The following RASA2 variants were observed in gnomAD, a reference collection of about 807,000 sequenced individuals.
The protein encoded by RASA2 is ras GTPase-activating protein 2.
A neutral mutation model predicts 118.2 loss-of-function variants in RASA2; 155 were observed. The ratio of observed to expected loss-of-function variants is 1.31; its 90% CI spans 1.15 to 1.50. The LOEUF (loss-of-function observed/expected upper bound fraction) is 1.50, where lower values mean the gene tolerates loss of function less well. Ranked by LOEUF, RASA2 falls within the 40% of genes most tolerant of loss-of-function variation. RASA2 has a pLI of 0.00. For synonymous variants in RASA2, 353 were observed against 349.1 expected, an observed-to-expected ratio of 1.01 and a Z score of -0.12; for missense variants, 1,016 against 1,009.6, an observed-to-expected ratio of 1.01 and a Z score of -0.09.
intron 19 of RASA2, among the ~76,000 whole-genome samples, chr3:141,592,344 G>A (rs1237769083): frequency 6.6e-6 from 1 of 152,180 alleles, no homozygotes; most frequent in African/African-American, 2.4e-5. Flanking sequence ...TGCCTGGAGT[G>A]TTAAAGAGAT....
chr3:141,512,058 C>A, intron 1 of RASA2, 105 bp from the exon 2 acceptor site: 39 of 528,078 alleles, frequency 7.4e-5, no homozygotes, highest in Middle Eastern at 4.0e-4. Context: ...TTTTTTTTTT[C>A]TGTGCCACAT....
chr3:141,519,432 A>G (rs999421901), intron 3 of RASA2, among the ~76,000 whole-genome samples: 2 of 151,800 alleles, frequency 1.3e-5, no homozygotes, highest in East Asian at 1.9e-4. Context: ...TCCTTTGCCT[A>G]TTTTTCTTTT....
intron 1 of RASA2, among the ~76,000 whole-genome samples, chr3:141,500,473 G>A (rs1016198080): frequency 6.6e-6 from 1 of 152,150 alleles, no homozygotes; most frequent in African/African-American, 2.4e-5. Context: ...TTTAAAGCAT[G>A]GTTTTCTGCT....
chr3:141,609,861 T>C lies in RASA2; in HGVS notation c.2330-16T>C, dbSNP rs2083609286. 14 of 1,525,190 alleles carry C rather than the reference T, an allele frequency of 9.2e-6. No homozygotes were observed. Among genetic ancestry groups the C allele is most frequent in the Non-Finnish European group, 1.1e-5 (13 of 1,142,240 alleles). The allele number at this position is 1,525,190 out of a possible 1,614,324, so 94.5% of individuals were successfully genotyped here. On this transcript the variant is annotated splice_polypyrimidine_tract_variant and intron_variant, in intron 22 of 23. Coordinates refer to ENST00000286364, the MANE Select transcript of RASA2 (RefSeq NM_006506.5). ...TTAGTTGTCTGATCAGAGATTTATTTTCCTGCTCTTTGTAGAGGCTTGTGG... is the reference window on the plus strand; with the variant it reads ...TTAGTTGTCTGATCAGAGATTTATTCTCCTGCTCTTTGTAGAGGCTTGTGG...
At chr3:141,501,438 A>G (rs1012299805) in intron 1 of RASA2, among the ~76,000 whole-genome samples, 1 of 152,146 alleles carries the variant, frequency 6.6e-6, no homozygotes, top group Non-Finnish European at 1.5e-5. Context: ...TTGAATATTT[A>G]CTCTGTCTTA....
At chr3:141,602,460 CT>C (rs2083479251) in intron 19 of RASA2, among the ~76,000 whole-genome samples, 1 of 152,216 alleles carries the variant, frequency 6.6e-6, no homozygotes, top group African/African-American at 2.4e-5. Flanking sequence ...GTAATGCTTG[CT>C]TGCCCACCCA....
intron 17 of RASA2, among the ~76,000 whole-genome samples, chr3:141,581,483 G>C (rs1328001722): frequency 2.0e-5 from 3 of 152,208 alleles, no homozygotes; most frequent in African/African-American, 7.2e-5. Context: ...TCTTGATTCT[G>C]AGGGGCTGGC....
rs773584568 is a variant in RASA2, at chr3:141,512,252, C to T, written c.223C>T (p.Arg75Cys). Reference sequence around the variant, plus strand: ...AAATTTGGACCAGGAAGAAGTTTATCGTACCCAAGTTGTGGAAAAATCTTT... The same window carrying T: ...AAATTTGGACCAGGAAGAAGTTTATTGTACCCAAGTTGTGGAAAAATCTTT... ...TINLDQEEVYRTQVVEKSLSP... is the reference protein window; with the variant it reads ...TINLDQEEVYCTQVVEKSLSP... Residue 75 changes from arginine (R) to cysteine (C), a missense_variant, in exon 2 of 24, where the codon CGT becomes TGT. Arg to Cys is a radical substitution (Grantham distance 180, BLOSUM62 -3). Transcript: ENST00000286364. 20 of 1,591,554 alleles carry T rather than the reference C, an allele frequency of 1.3e-5. No individual in the cohort carries two copies. Among genetic ancestry groups the T allele is most frequent in the East Asian group, 2.3e-5 (1 of 44,272 alleles).
At chr3:141,511,815 G>T (rs1389760785) in intron 1 of RASA2, among the ~76,000 whole-genome samples, 1 of 152,084 alleles carries the variant, frequency 6.6e-6, no homozygotes, top group African/African-American at 2.4e-5. Flanking sequence ...TCGCTAGAGA[G>T]GAAAATTAAT....
At chr3:141,533,234 A>C (rs1445641563) in intron 4 of RASA2, among the ~76,000 whole-genome samples, 1 of 152,024 alleles carries the variant, frequency 6.6e-6, no homozygotes, top group Non-Finnish European at 1.5e-5. Context: ...ACTTCAATCT[A>C]ATTTGATATG....
intron 3 of RASA2, among the ~76,000 whole-genome samples, chr3:141,517,912 C>T (rs1280858472): frequency 2.0e-5 from 3 of 151,974 alleles, no homozygotes; most frequent in African/African-American, 7.2e-5. Context: ...ACCTCGGCCT[C>T]CCAAAGTGCT....
chr3:141,536,524 C>T (rs914346726), intron 4 of RASA2, among the ~76,000 whole-genome samples: 6 of 150,734 alleles, frequency 4.0e-5, no homozygotes, highest in African/African-American at 1.5e-4. Flanking sequence ...CTGCATGTAT[C>T]AGCCTAACAT....
chr3:141,532,605 C>T (rs547609983), intron 4 of RASA2, among the ~76,000 whole-genome samples: 27 of 152,086 alleles, frequency 1.8e-4, no homozygotes, highest in African/African-American at 6.5e-4. Flanking sequence ...AAAATTTTTG[C>T]GTAAGTTACA....
rs2082572936 is a variant in RASA2, at chr3:141,551,396, T to C, written c.528-2461T>C. Among the ~76,000 whole-genome samples the C allele has an allele frequency of 2.0e-5, 3 of 152,350 alleles. No homozygotes were observed. In the South Asian group the frequency reaches 6.2e-4, roughly 32 times the overall value. On this transcript the variant is annotated intron_variant, in intron 5 of 23. Transcript: ENST00000286364. ...TGTGTGGGTTTTAGGAACTATTGCCTCTATTCTTTTCAAATGGTTCTTTCC... is the reference window on the plus strand; with the variant it reads ...TGTGTGGGTTTTAGGAACTATTGCCCCTATTCTTTTCAAATGGTTCTTTCC...
chr3:141,500,664 G>A (rs1577642704), intron 1 of RASA2, among the ~76,000 whole-genome samples: 2 of 152,144 alleles, frequency 1.3e-5, no homozygotes, highest in South Asian at 4.1e-4. Flanking sequence ...TACTCATAAA[G>A]TATCTTTTCA....
intron 4 of RASA2, among the ~76,000 whole-genome samples, chr3:141,534,108 C>T (rs182693165): frequency 5.3e-5 from 8 of 152,208 alleles, no homozygotes; most frequent in Non-Finnish European, 1.0e-4. Flanking sequence ...CTGGTGCCTT[C>T]TATAAATCCT....
chr3:141,586,548 C>A, intron 18 of RASA2, 98 bp from the exon 19 acceptor site: 1 of 727,380 alleles, frequency 1.4e-6, no homozygotes, highest in Non-Finnish European at 2.2e-6. Context: ...TATAATCTTA[C>A]ACTACTATTC....
At chr3:141,591,528 A>T (rs1037511953) in intron 19 of RASA2, among the ~76,000 whole-genome samples, 1 of 152,200 alleles carries the variant, frequency 6.6e-6, no homozygotes, top group Non-Finnish European at 1.5e-5. Context: ...GGCATATAGT[A>T]AGTATTCTTC....
In RASA2 at chr3:141,614,818, A is replaced by T. The variant is rs2083703802; in HGVS notation, c.*2505A>T. The T allele has an allele frequency of 6.6e-6, 1 of 152,206 alleles. No homozygotes were observed. Among genetic ancestry groups the T allele is most frequent in the African/African-American group, 2.4e-5 (1 of 41,458 alleles). The allele number at this position is 152,206 out of a possible 1,614,324, so 9.4% of individuals were successfully genotyped here. A position where few individuals can be genotyped will look rare whatever the true frequency, so the allele number is the denominator to read the frequency against. On this transcript the variant is annotated 3_prime_UTR_variant, in exon 24 of 24. Coordinates refer to ENST00000286364, the MANE Select transcript of RASA2 (RefSeq NM_006506.5). ...TTGAACTATTTTATTTGCCAAAGAA[A>T]CTTGTTTTTAATATCACGGGTAATG...
Sources: gnomAD v4.1 joint callset for allele counts (sites outside exome capture counted in the v4.1 genomes callset) on GRCh38, gnomAD v4.1.1 for gene constraint, MANE v1.5 for transcripts, NCBI Gene and HGNC (gene_info 2026-07-23, HGNC 2026-07-21) for gene names.